Variants in SYT9 observed in about 807,000 individuals in gnomAD.
SYT9 encodes the protein synaptotagmin 9.
In SYT9, 22 loss-of-function variants were observed where a neutral mutation model predicts 48.4. That is an observed-to-expected ratio of 0.45 (90% CI 0.32 to 0.65). The LOEUF is 0.65. SYT9 is among the 30% of genes least tolerant of loss of function. The pLI, the probability that SYT9 is intolerant of heterozygous loss-of-function variation, is 0.03. For synonymous variants in SYT9, 265 were observed against 245.0 expected, an observed-to-expected ratio of 1.08 and a Z score of -0.76; for missense variants, 577 against 622.0, an observed-to-expected ratio of 0.93 and a Z score of 0.77.
chr11:7,283,806 C>T (rs1848548538), intron 1 of SYT9, among the ~76,000 whole-genome samples: 1 of 152,092 alleles, frequency 6.6e-6, no homozygotes, highest in African/African-American at 2.4e-5. Flanking sequence ...TGCCTTATCA[C>T]ATCATTGACA....
At position 7,430,004 on chromosome 11, in the gene SYT9, A is replaced by G. The variant is rs1423114571; in HGVS notation, c.1467+9369A>G. On this transcript the variant is annotated intron_variant, in intron 6 of 6. Coordinates refer to ENST00000318881, the MANE Select transcript of SYT9 (RefSeq NM_175733.4). ...TGAGCTGATAAAGGCACAGTTCCTC[A>G]GGAGTGAAGATCAGTCACATAGCTG... Among the ~76,000 whole-genome samples the G allele has an allele frequency of 3.3e-5, 5 of 152,222 alleles. No individual in the cohort carries two copies. In the South Asian group the frequency reaches 1.0e-3, roughly 31 times the overall value.
intron 3 of SYT9, among the ~76,000 whole-genome samples, chr11:7,350,228 T>A (rs1452058559): frequency 6.6e-6 from 1 of 152,194 alleles, no homozygotes; most frequent in East Asian, 1.9e-4. Flanking sequence ...TGGTTGGAAA[T>A]AATACCTGAA....
intron 1 of SYT9, among the ~76,000 whole-genome samples, chr11:7,245,116 C>A (rs1225227180): frequency 2.6e-5 from 4 of 152,210 alleles, no homozygotes. Flanking sequence ...GCATGGAAAA[C>A]ACAGGCTCTG....
At chr11:7,295,935 T>G (rs549189876) in intron 1 of SYT9, among the ~76,000 whole-genome samples, 226 of 152,306 alleles carry the variant, frequency 1.5e-3, no homozygotes, top group African/African-American at 5.3e-3. Flanking sequence ...CTCCTTCTCT[T>G]GTCCTCAGTA....
intron 6 of SYT9, chr11:7,437,990 GT>G (rs988107220): frequency 3.9e-5 from 6 of 152,234 alleles, no homozygotes; most frequent in Admixed American, 3.9e-4. Flanking sequence ...TTCCTGCTAG[GT>G]TGCGAATACT....
rs1388044934 is a variant in SYT9 at position 7,345,189 on chromosome 11, G to A, written c.1044+31248G>A. Among the ~76,000 whole-genome samples, 5 of 152,212 alleles carry A rather than the reference G, an allele frequency of 3.3e-5. No individual in the cohort carries two copies. The South Asian group carries it at 6.2e-4, about 19-fold the overall frequency. On this transcript the variant is annotated intron_variant, in intron 3 of 6. Coordinates refer to ENST00000318881, the MANE Select transcript of SYT9 (RefSeq NM_175733.4). ...TACTCTACCCTGCAAATTCTAGGGGGGATGGCCTCTCCAGACTCCCAAGTC... is the reference window on the plus strand; with the variant it reads ...TACTCTACCCTGCAAATTCTAGGGGAGATGGCCTCTCCAGACTCCCAAGTC...
chr11:7,294,123 C>T (rs1005225326), intron 1 of SYT9, among the ~76,000 whole-genome samples: 1 of 152,182 alleles, frequency 6.6e-6, no homozygotes, highest in African/African-American at 2.4e-5. Context: ...TCTCTTAAGT[C>T]TCTTTTATAA....
chr11:7,420,385 A>C (rs1564897718), intron 5 of SYT9, 121 bp from the exon 6 acceptor site: 14 of 1,333,190 alleles, frequency 1.1e-5, no homozygotes, highest in African/African-American at 3.0e-5. Flanking sequence ...AGGAAATGAA[A>C]AAACAAACAA....
At chr11:7,397,699 A>G (rs140319369) in intron 3 of SYT9, among the ~76,000 whole-genome samples, 3 of 152,190 alleles carry the variant, frequency 2.0e-5, no homozygotes, top group South Asian at 2.1e-4. Flanking sequence ...TCTCTCATCA[A>G]TGTTGGTAGT....
intron 3 of SYT9, among the ~76,000 whole-genome samples, chr11:7,347,210 T>A (rs1424181666): frequency 6.6e-6 from 1 of 151,134 alleles, no homozygotes; most frequent in Non-Finnish European, 1.5e-5. Flanking sequence ...TAACCAATAC[T>A]GCTTTCAAAC....
chr11:7,425,843 A>G (rs1466350726), intron 6 of SYT9, among the ~76,000 whole-genome samples: 2 of 152,200 alleles, frequency 1.3e-5, no homozygotes, highest in African/African-American at 4.8e-5. Flanking sequence ...TCTTGCCCAT[A>G]TGATGAGGTG....
At chr11:7,395,470 G>A (rs1846734327) in intron 3 of SYT9, among the ~76,000 whole-genome samples, 1 of 151,970 alleles carries the variant, frequency 6.6e-6, no homozygotes, top group Non-Finnish European at 1.5e-5. Flanking sequence ...CACTATTATT[G>A]TGTGACTGTC....
At chr11:7,378,697 T>C (rs1348673317) in intron 3 of SYT9, among the ~76,000 whole-genome samples, 2 of 152,114 alleles carry the variant, frequency 1.3e-5, no homozygotes. Context: ...GAATAAAATA[T>C]TGCCTTTTTC....
chr11:7,435,064 C>T (rs1233008795), intron 6 of SYT9: 1 of 152,170 alleles, frequency 6.6e-6, no homozygotes, highest in African/African-American at 2.4e-5. Flanking sequence ...ACCCTACACT[C>T]TCAGGATAAG....
intron 2 of SYT9, among the ~76,000 whole-genome samples, chr11:7,311,084 C>T (rs1484673216): frequency 1.3e-5 from 2 of 152,152 alleles, no homozygotes; most frequent in African/African-American, 4.8e-5. Flanking sequence ...GGGTGGATCA[C>T]CTGAGGTTGG....
intron 3 of SYT9, among the ~76,000 whole-genome samples, chr11:7,362,138 T>G (rs548520382): frequency 2.2e-5 from 3 of 133,596 alleles, no homozygotes; most frequent in African/African-American, 5.2e-5. Context: ...TTTTATTTTA[T>G]TTTATTTTTT....
At chr11:7,274,666 A>G (rs1336546244) in intron 1 of SYT9, among the ~76,000 whole-genome samples, 1 of 152,104 alleles carries the variant, frequency 6.6e-6, no homozygotes, top group Non-Finnish European at 1.5e-5. Context: ...TTCTTCCTAT[A>G]CAGCTGGGCC....
chr11:7,372,393 A>T lies in SYT9; in HGVS notation c.1045-43649A>T, dbSNP rs187531207. Among the ~76,000 whole-genome samples, 547 of 152,126 alleles carry T rather than the reference A, an allele frequency of 3.6e-3. 3 individuals carry two copies. The highest frequency in any genetic ancestry group is 5.2e-3 in the Admixed American group (79 of 15,266). ...AGTGGCACAATCTCAGCTTGCTGTA[A>T]CCTCCACATCCCAGGCTTAAGTGAT... is the stretch of plus-strand genomic sequence containing the variant. On this transcript the variant is annotated intron_variant, in intron 3 of 6. Coordinates refer to ENST00000318881, the MANE Select transcript of SYT9 (RefSeq NM_175733.4).
chr11:7,347,264 G>A (rs535494971), intron 3 of SYT9, among the ~76,000 whole-genome samples: 1 of 150,914 alleles, frequency 6.6e-6, no homozygotes, highest in South Asian at 2.1e-4. Context: ...GAAGTCTCAC[G>A]CTTGTCCCCC....
Sources: allele counts gnomAD v4.1 joint callset (sites outside exome capture counted in the v4.1 genomes callset), GRCh38; gene constraint gnomAD v4.1.1; transcripts MANE v1.5; gene names NCBI Gene and HGNC (gene_info 2026-07-23, HGNC 2026-07-21).